Variants in TTLL1 observed in about 807,000 individuals in gnomAD.
TTLL1 encodes the protein polyglutamylase complex subunit TTLL1.
Under a neutral mutation model 47.8 loss-of-function variants are expected in TTLL1, and 33 were observed. The observed-to-expected ratio is 0.69, with a 90% CI of 0.52 to 0.92. TTLL1 has a LOEUF of 0.92. Among genes scored for constraint, TTLL1 ranks in the 40% least tolerant of loss-of-function variants. TTLL1 has a pLI of 0.00. For missense variants in TTLL1, 488 were observed against 547.5 expected, an observed-to-expected ratio of 0.89 and a Z score of 1.08; for synonymous variants, 225 against 214.1, an observed-to-expected ratio of 1.05 and a Z score of -0.45.
At chr22:43,075,694 C>A in intron 2 of TTLL1, 104 bp from the exon 3 acceptor site, 1 of 960,670 alleles carries the variant, frequency 1.0e-6, no homozygotes. Context: ...CTCGATCTTA[C>A]CCCGGCAATG....
intron 9 of TTLL1, among the ~76,000 whole-genome samples, chr22:43,050,510 TTTG>T (rs1192338595): frequency 8.1e-6 from 1 of 123,930 alleles, no homozygotes; most frequent in East Asian, 6.1e-4. Context: ...CTGGTTTTTT[TTTG>T]TTTTTTTTTT....
chr22:43,083,098 G>A (rs571956003), intron 1 of TTLL1, among the ~76,000 whole-genome samples: 12 of 152,124 alleles, frequency 7.9e-5, no homozygotes, highest in South Asian at 6.2e-4. Flanking sequence ...TGGGCGCAGC[G>A]GCTCACGCCT....
intron 1 of TTLL1, among the ~76,000 whole-genome samples, chr22:43,083,376 C>CA (rs1453590413): frequency 4.1e-5 from 6 of 145,656 alleles, no homozygotes. Flanking sequence ...CTCAAACAAA[C>CA]AGACAAAAAA....
intron 9 of TTLL1, 86 bp from the exon 10 acceptor site, chr22:43,046,659 G>T: frequency 6.7e-7 from 1 of 1,490,342 alleles, no homozygotes; most frequent in Non-Finnish European, 9.2e-7. Context: ...GATGCTGGCT[G>T]CTACACACTT....
chr22:43,043,218 G>C (rs1415267315), intron 10 of TTLL1, among the ~76,000 whole-genome samples: 2 of 151,982 alleles, frequency 1.3e-5, no homozygotes, highest in Non-Finnish European at 2.9e-5. Flanking sequence ...TGGGATTACA[G>C]GTATGAGCCA....
chr22:43,079,131 T>C (rs8138226), intron 2 of TTLL1, among the ~76,000 whole-genome samples: 15,154 of 45,072 alleles, frequency 0.34, 2,393 homozygotes, highest in Non-Finnish European at 0.4. Flanking sequence ...ACGGGGACCA[T>C]GGGAGCCGCA....
intron 3 of TTLL1, among the ~76,000 whole-genome samples, chr22:43,072,666 T>C (rs1928207530): frequency 6.6e-6 from 1 of 151,882 alleles, no homozygotes; most frequent in South Asian, 2.1e-4. Flanking sequence ...AGAGATGAGG[T>C]TTCACCATTT....
At chr22:43,060,054 ACT>A (rs1204621867) in intron 7 of TTLL1, among the ~76,000 whole-genome samples, 1 of 151,666 alleles carries the variant, frequency 6.6e-6, no homozygotes, top group African/African-American at 2.4e-5. Context: ...ACAGAGTCTC[ACT>A]CTGTCACCCA....
At chr22:43,066,644 C>T (rs1927754364) in intron 5 of TTLL1, among the ~76,000 whole-genome samples, 1 of 151,394 alleles carries the variant, frequency 6.6e-6, no homozygotes, top group Non-Finnish European at 1.5e-5. Context: ...ATCGCTTGGG[C>T]CTAGGAGGTT....
chr22:43,083,474 T>C (rs1395027992), intron 1 of TTLL1, among the ~76,000 whole-genome samples: 1 of 152,192 alleles, frequency 6.6e-6, no homozygotes, highest in Non-Finnish European at 1.5e-5. Context: ...GGCTTACACC[T>C]GTAATCCCAG....
chr22:43,076,587 T>TAA (rs1231104078), intron 2 of TTLL1, among the ~76,000 whole-genome samples: 2 of 150,038 alleles, frequency 1.3e-5, no homozygotes, highest in Non-Finnish European at 3.0e-5. Flanking sequence ...CTGTCTCTAC[T>TAA]AAAAATACAA....
At chr22:43,059,132 C>A (rs192290280) in intron 8 of TTLL1, among the ~76,000 whole-genome samples, 79 of 152,160 alleles carry the variant, frequency 5.2e-4, no homozygotes, top group African/African-American at 1.7e-3. Context: ...TGGGATTACA[C>A]GTGCATGCCA....
At chr22:43,066,378 T>C (rs1927737927) in intron 5 of TTLL1, among the ~76,000 whole-genome samples, 1 of 151,754 alleles carries the variant, frequency 6.6e-6, no homozygotes, top group African/African-American at 2.4e-5. Context: ...AGGAGTCCAC[T>C]CAGGGAAATG....
intron 2 of TTLL1, among the ~76,000 whole-genome samples, chr22:43,076,380 C>T (rs1007537415): frequency 1.9e-4 from 29 of 151,958 alleles, no homozygotes; most frequent in Non-Finnish European, 3.7e-4. Flanking sequence ...CGCTTGAACC[C>T]GGGAGGCAGA....
Position 43,068,458 on chromosome 22 carries a change from T to C in TTLL1, c.455A>G (p.Asn152Ser). The C allele has an allele frequency of 1.3e-6, 2 of 1,561,302 alleles. No homozygotes were observed. The highest frequency in any genetic ancestry group is 1.2e-5 in the South Asian group (1 of 85,980). ...KAQGKGIFLI[N>S]KLSQIKKWSR... ...CCACTTTTTGATCTGTGAGAGCTTG[T>C]TGATAAGGAAGATGCCCTTTCCCTG... The change falls in exon 5 of 11, where the codon AAC becomes AGC. Residue 152 changes from asparagine to serine, a missense_variant. Coordinates refer to ENST00000266254, the MANE Select transcript of TTLL1 (RefSeq NM_012263.5).
intron 2 of TTLL1, among the ~76,000 whole-genome samples, chr22:43,077,501 T>G (rs1928586284): frequency 6.6e-6 from 1 of 152,126 alleles, no homozygotes; most frequent in Admixed American, 6.6e-5. Flanking sequence ...CTGGCTTGCT[T>G]TCTTCTTCAC....
At chr22:43,059,290 A>C in intron 8 of TTLL1, 94 bp downstream of exon 8, 1 of 1,507,540 alleles carries the variant, frequency 6.6e-7, no homozygotes, top group Non-Finnish European at 8.9e-7. Flanking sequence ...CGCCGCGCAC[A>C]GCTGAAAACA....
chr22:43,073,946 C>T (rs531431932), intron 3 of TTLL1, among the ~76,000 whole-genome samples: 25 of 151,890 alleles, frequency 1.6e-4, no homozygotes, highest in African/African-American at 5.1e-4. Flanking sequence ...TTCAATCTCC[C>T]GAGTTCCTGG....
chr22:43,076,146 C>G (rs1928468289), intron 2 of TTLL1, among the ~76,000 whole-genome samples: 1 of 152,210 alleles, frequency 6.6e-6, no homozygotes, highest in South Asian at 2.1e-4. Flanking sequence ...CCCTCTGTAA[C>G]TGCAGAGTGA....
Sources: gnomAD v4.1 joint callset for allele counts (sites outside exome capture counted in the v4.1 genomes callset) on GRCh38, gnomAD v4.1.1 for gene constraint, MANE v1.5 for transcripts, NCBI Gene and HGNC (gene_info 2026-07-23, HGNC 2026-07-21) for gene names.